The following SLC25A21 variants were observed in gnomAD, a reference collection of about 807,000 sequenced individuals.
SLC25A21 encodes the protein mitochondrial 2-oxodicarboxylate carrier.
In SLC25A21, 47 loss-of-function variants were observed where a neutral mutation model predicts 43.8. That is an observed-to-expected ratio of 1.07 (90% CI 0.85 to 1.37). SLC25A21 has a LOEUF of 1.37. Ranked by LOEUF, SLC25A21 falls within the 40% of genes most tolerant of loss-of-function variation. The pLI, the probability that SLC25A21 is intolerant of heterozygous loss-of-function variation, is 0.00. For synonymous variants in SLC25A21, 131 were observed against 121.3 expected (o/e 1.08, Z -0.52); for missense variants, 352 against 350.2 (o/e 1.00, Z -0.04).
intron 1 of SLC25A21, among the ~76,000 whole-genome samples, chr14:37,080,863 G>A (rs1962373337): frequency 6.6e-6 from 1 of 152,156 alleles, no homozygotes; most frequent in African/African-American, 2.4e-5. Flanking sequence ...ATTCTTCCCA[G>A]ATAACAGGAC....
At chr14:37,074,694 G>T (rs1318284210) in intron 1 of SLC25A21, among the ~76,000 whole-genome samples, 1 of 152,036 alleles carries the variant, frequency 6.6e-6, no homozygotes, top group Admixed American at 6.6e-5. Flanking sequence ...TTAGCCAGGC[G>T]TAGTGGTGTG....
intron 3 of SLC25A21, among the ~76,000 whole-genome samples, chr14:36,742,740 A>C (rs1387379584): frequency 2.0e-5 from 3 of 152,152 alleles, no homozygotes; most frequent in Admixed American, 6.5e-5. Flanking sequence ...AACTAACAAA[A>C]GTTTTGCCTA....
intron 2 of SLC25A21, among the ~76,000 whole-genome samples, chr14:36,841,732 A>C (rs1249915791): frequency 6.6e-6 from 1 of 152,126 alleles, no homozygotes; most frequent in East Asian, 1.9e-4. Flanking sequence ...TGCCTAGCCC[A>C]TCAAGGCCAA....
At chr14:36,740,038 T>C (rs1486569344) in intron 3 of SLC25A21, among the ~76,000 whole-genome samples, 1 of 152,222 alleles carries the variant, frequency 6.6e-6, no homozygotes, top group East Asian at 1.9e-4. Context: ...AGGTGTTTCC[T>C]AGCTGTGTGA....
At chr14:36,752,075 C>T (rs1286452629) in intron 3 of SLC25A21, among the ~76,000 whole-genome samples, 5 of 152,140 alleles carry the variant, frequency 3.3e-5, no homozygotes, top group South Asian at 2.1e-4. Flanking sequence ...AAAGAGTCTA[C>T]GTCCTGCTGG....
At chr14:37,087,336 G>A (rs1184218390) in intron 1 of SLC25A21, among the ~76,000 whole-genome samples, 3 of 152,118 alleles carry the variant, frequency 2.0e-5, no homozygotes, top group African/African-American at 7.2e-5. Flanking sequence ...TGTCTTCCTT[G>A]GCAAAGAAGT....
intron 2 of SLC25A21, among the ~76,000 whole-genome samples, chr14:36,854,825 G>A (rs1336233466): frequency 3.3e-5 from 5 of 152,026 alleles, no homozygotes; most frequent in Non-Finnish European, 5.9e-5. Flanking sequence ...AAGGAAACCA[G>A]GGATGGTCAT....
At chr14:36,806,032 T>C (rs897912542) in intron 3 of SLC25A21, among the ~76,000 whole-genome samples, 1 of 151,376 alleles carries the variant, frequency 6.6e-6, no homozygotes, top group Non-Finnish European at 1.5e-5. Flanking sequence ...TTGGCCAACA[T>C]AGTGAAATCC....
In SLC25A21 at chr14:36,968,264, A is replaced by G. The variant is rs143413760; in HGVS notation, c.71-93260T>C. On this transcript the variant is annotated intron_variant, in intron 1 of 9. Coordinates refer to ENST00000331299, the MANE Select transcript of SLC25A21 (RefSeq NM_030631.4). ...ACATGCAACCTGATTCTTTTCCCTCATAGCCTCTTCCCCTGGAACGACAGC... is the reference window on the plus strand; with the variant it reads ...ACATGCAACCTGATTCTTTTCCCTCGTAGCCTCTTCCCCTGGAACGACAGC... 3.9e-5 allele frequency among the ~76,000 whole-genome samples: 6 copies of G among 152,336 alleles called. No homozygotes were observed. In the East Asian group the frequency reaches 1.2e-3, roughly 29 times the overall value.
chr14:36,751,370 C>G (rs1162620403), intron 3 of SLC25A21, among the ~76,000 whole-genome samples: 1 of 152,158 alleles, frequency 6.6e-6, no homozygotes, highest in Non-Finnish European at 1.5e-5. Flanking sequence ...AAATGCTTTC[C>G]TTATGCTTTA....
In SLC25A21 at chr14:36,962,638, T is replaced by C. The variant is rs1405231789; in HGVS notation, c.71-87634A>G. On this transcript the variant is annotated intron_variant, in intron 1 of 9. Coordinates refer to ENST00000331299, the MANE Select transcript of SLC25A21 (RefSeq NM_030631.4). ...TGTCCTATAGATCCATCCATAAAAATTGTGTTTTTAAAAACACAATCAAAC... is the reference window on the plus strand; with the variant it reads ...TGTCCTATAGATCCATCCATAAAAACTGTGTTTTTAAAAACACAATCAAAC... 3.3e-5 allele frequency among the ~76,000 whole-genome samples: 5 copies of C among 152,192 alleles called. No individual in the cohort carries two copies. In the East Asian group the frequency reaches 7.7e-4, roughly 23 times the overall value.
At position 36,974,506 on chromosome 14, in the gene SLC25A21, T is replaced by C. The variant is rs189305829; in HGVS notation, c.71-99502A>G. 3.2e-4 allele frequency among the ~76,000 whole-genome samples: 49 copies of C among 152,308 alleles called. 1 individual carries two copies. The highest frequency in any genetic ancestry group is 1.2e-3 in the African/African-American group (48 of 41,580). On this transcript the variant is annotated intron_variant, in intron 1 of 9. Coordinates refer to ENST00000331299, the MANE Select transcript of SLC25A21 (RefSeq NM_030631.4). ...CTACCAAATATTCTGAAAACTCATA[T>C]TTTCTGAGGCACCAAATACTTTGCT...
rs148731090 is a variant in SLC25A21 at position 37,111,204 on chromosome 14, CT to C, written c.70+61076del. Among the ~76,000 whole-genome samples, 469 of 152,102 alleles carry C rather than the reference CT, an allele frequency of 3.1e-3. 1 individual carries two copies. The highest frequency in any genetic ancestry group is 0.011 in the African/African-American group (437 of 41,468). On this transcript the variant is annotated intron_variant, in intron 1 of 9. Transcript: ENST00000331299. ...AACCAAATTTACCAATGAATTCAAC[CT>C]GTTAAACTGATAAAATGACACTGCT...
intron 1 of SLC25A21, among the ~76,000 whole-genome samples, chr14:37,120,039 C>T (rs1963179312): frequency 6.6e-6 from 1 of 152,096 alleles, no homozygotes; most frequent in Admixed American, 6.6e-5. Context: ...ACATACTTTA[C>T]ATAAATCATA....
chr14:36,796,890 C>T (rs1887693624), intron 3 of SLC25A21, among the ~76,000 whole-genome samples: 1 of 152,198 alleles, frequency 6.6e-6, no homozygotes, highest in South Asian at 2.1e-4. Flanking sequence ...GGGAGCTGGA[C>T]TCAGCGAGTA....
chr14:36,986,501 C>T lies in SLC25A21; in HGVS notation c.71-111497G>A, dbSNP rs143189062. 2.5e-3 allele frequency among the ~76,000 whole-genome samples: 384 copies of T among 152,244 alleles called. 1 individual carries two copies. Among genetic ancestry groups the T allele is most frequent in the African/African-American group, 8.5e-3 (354 of 41,546 alleles). On this transcript the variant is annotated intron_variant, in intron 1 of 9. Coordinates refer to ENST00000331299, the MANE Select transcript of SLC25A21 (RefSeq NM_030631.4). The stretch of plus-strand genomic sequence containing the variant: ...GGAATCCTGAAGACTTCCCACAATG[C>T]GGTTGCTTTCCTTTAGAAAGAATTT...
At chr14:37,172,181 G>C in intron 1 of SLC25A21, 100 bp downstream of exon 1, 1 of 1,234,564 alleles carries the variant, frequency 8.1e-7, no homozygotes, top group East Asian at 2.6e-5. Flanking sequence ...TTGAGGAAGA[G>C]GGCAGAACTT....
chr14:36,725,910 C>CA (rs879807728), intron 5 of SLC25A21, among the ~76,000 whole-genome samples: 6 of 152,154 alleles, frequency 3.9e-5, no homozygotes, highest in Admixed American at 2.0e-4. Context: ...AATAAAATGT[C>CA]AAAGCCCCAT....
chr14:36,843,992 G>C (rs999129036), intron 2 of SLC25A21, among the ~76,000 whole-genome samples: 3 of 152,080 alleles, frequency 2.0e-5, no homozygotes, highest in Admixed American at 1.3e-4. Flanking sequence ...ATTTGAATGT[G>C]ACCCCCCAAA....
Sources: gnomAD v4.1 joint callset for allele counts (sites outside exome capture counted in the v4.1 genomes callset) on GRCh38, gnomAD v4.1.1 for gene constraint, MANE v1.5 for transcripts, NCBI Gene and HGNC (gene_info 2026-07-23, HGNC 2026-07-21) for gene names.